CASR: variants seen among roughly 807,000 people sequenced by gnomAD.
CASR encodes extracellular calcium-sensing receptor.
CASR carries 23 observed loss-of-function variants against 69.1 expected under a neutral mutation model. The ratio of observed to expected loss-of-function variants is 0.33; its 90% CI spans 0.24 to 0.47. CASR has a LOEUF of 0.47. CASR is among the 20% of genes least tolerant of loss of function. CASR has a pLI of 1.00. For synonymous variants in CASR, 541 were observed against 544.7 expected (o/e 0.99, Z 0.10); for missense variants, 924 against 1,356.1 (o/e 0.68, Z 5.00).
chr3:122,212,439 T>G (rs931035548), intron 1 of CASR, among the ~76,000 whole-genome samples: 1 of 152,140 alleles, frequency 6.6e-6, no homozygotes, highest in Non-Finnish European at 1.5e-5. Flanking sequence ...TCAGGATAAA[T>G]AGCTAATGCA....
At chr3:122,261,024 G>A (rs751979509) in intron 3 of CASR, among the ~76,000 whole-genome samples, 85 of 152,286 alleles carry the variant, frequency 5.6e-4, no homozygotes, top group South Asian at 3.1e-3. Context: ...TATAATCCAT[G>A]GGGAACCCGA....
At chr3:122,213,156 C>T (rs13321795) in intron 1 of CASR, among the ~76,000 whole-genome samples, 3,232 of 152,270 alleles carry the variant, frequency 0.021, 118 homozygotes, top group African/African-American at 0.074. Context: ...CAGAGATGAT[C>T]ATTCAGCCTC....
At chr3:122,220,934 A>T (rs1323687507) in intron 1 of CASR, among the ~76,000 whole-genome samples, 2 of 152,190 alleles carry the variant, frequency 1.3e-5, no homozygotes, top group Non-Finnish European at 2.9e-5. Context: ...AGATCGCGCC[A>T]CTGCACTCCA....
Position 122,282,310 on chromosome 3 carries a change from A to G in CASR, c.1732+74A>G, listed in dbSNP as rs2074901949. On this transcript the variant is annotated intron_variant, in intron 6 of 6. Coordinates refer to ENST00000639785, the MANE Select transcript of CASR (RefSeq NM_000388.4). Reference sequence around the variant, plus strand: ...GGCCTGGGGTCAGTGAAGCCCATGGAAGGGCTGGGCTGAGATGGTGCTTTG... The same window carrying G: ...GGCCTGGGGTCAGTGAAGCCCATGGGAGGGCTGGGCTGAGATGGTGCTTTG... The G allele has an allele frequency of 2.1e-6, 3 of 1,461,572 alleles. No individual in the cohort carries two copies. The Admixed American group carries it at 5.0e-5, about 24-fold the overall frequency. The allele number at this position is 1,461,572 out of a possible 1,614,324, so 90.5% of individuals were successfully genotyped here.
chr3:122,272,606 A>T (rs2074773150), intron 4 of CASR, among the ~76,000 whole-genome samples: 1 of 152,160 alleles, frequency 6.6e-6, no homozygotes, highest in Non-Finnish European at 1.5e-5. Context: ...TTAGCAGTTA[A>T]CTATATTTTA....
At chr3:122,220,075 T>C (rs998783675) in intron 1 of CASR, among the ~76,000 whole-genome samples, 2 of 152,224 alleles carry the variant, frequency 1.3e-5, no homozygotes, top group African/African-American at 2.4e-5. Flanking sequence ...GTGTGGCAGC[T>C]GGAGTGTCAG....
intron 1 of CASR, among the ~76,000 whole-genome samples, chr3:122,235,632 C>T (rs1270656481): frequency 6.6e-6 from 1 of 152,024 alleles, no homozygotes; most frequent in African/African-American, 2.4e-5. Flanking sequence ...CCTGTCTCTA[C>T]AAAATTTTTT....
intron 3 of CASR, among the ~76,000 whole-genome samples, chr3:122,260,533 G>T (rs148646000): frequency 1.3e-5 from 2 of 152,314 alleles, no homozygotes; most frequent in African/African-American, 4.8e-5. Flanking sequence ...AAGGGCTCTG[G>T]AAGGTGCTTC....
At chr3:122,201,226 C>T (rs1309487715) in intron 1 of CASR, among the ~76,000 whole-genome samples, 2 of 152,150 alleles carry the variant, frequency 1.3e-5, no homozygotes, top group African/African-American at 2.4e-5. Context: ...TGCCTTCAAG[C>T]ATCTGTTTAA....
chr3:122,239,037 A>G (rs915593424), intron 1 of CASR, among the ~76,000 whole-genome samples: 1 of 152,118 alleles, frequency 6.6e-6, no homozygotes, highest in Non-Finnish European at 1.5e-5. Flanking sequence ...CTTCTGCTTG[A>G]GAAAAGTAAA....
rs1446060299 is a variant in CASR, at chr3:122,284,459, C to T, written c.2505C>T (p.Ala835=). The change falls in exon 7 of 7, where the codon GCC becomes GCT. Residue 835 remains alanine (A), a synonymous_variant. Coordinates refer to ENST00000639785, the MANE Select transcript of CASR (RefSeq NM_000388.4). ...GCACCTATGGCAAGTTTGTCTCTGC[C>T]GTAGAGGTGATTGCCATCCTGGCAG... is the stretch of plus-strand genomic sequence containing the variant. ...YASTYGKFVS[A]VEVIAILAAS... 3.1e-6 allele frequency: 5 copies of T among 1,613,548 alleles called. No individual in the cohort carries two copies. Among genetic ancestry groups the T allele is most frequent in the South Asian group, 1.1e-5 (1 of 91,090 alleles).
chr3:122,216,680 C>T (rs527434648), intron 1 of CASR, among the ~76,000 whole-genome samples: 14 of 152,134 alleles, frequency 9.2e-5, no homozygotes, highest in African/African-American at 3.1e-4. Flanking sequence ...TTAGTATAGC[C>T]GGGCACATAA....
intron 1 of CASR, among the ~76,000 whole-genome samples, chr3:122,252,344 G>GAAGAAAGA (rs756437138): frequency 4.1e-4 from 20 of 48,232 alleles, no homozygotes; most frequent in East Asian, 3.1e-3. Flanking sequence ...GAGAAAGAAA[G>GAAGAAAGA]AAGAAAGAAA....
intron 1 of CASR, among the ~76,000 whole-genome samples, chr3:122,250,340 C>T (rs1285037214): frequency 1.3e-5 from 2 of 152,162 alleles, no homozygotes; most frequent in African/African-American, 2.4e-5. Flanking sequence ...GACCCCAAAT[C>T]TCTCCTTCCT....
intron 1 of CASR, among the ~76,000 whole-genome samples, chr3:122,194,503 C>T (rs376603257): frequency 6.6e-5 from 10 of 152,146 alleles, no homozygotes; most frequent in African/African-American, 2.4e-4. Context: ...GCCACACCAA[C>T]AAGAAGGCAA....
At chr3:122,217,104 T>TA (rs921938986) in intron 1 of CASR, among the ~76,000 whole-genome samples, 16 of 124,056 alleles carry the variant, frequency 1.3e-4, no homozygotes, top group Middle Eastern at 4.1e-3. Context: ...GAAGGGAAAG[T>TA]AAAATTTTTT....
chr3:122,241,712 G>A (rs1576842949), intron 1 of CASR, among the ~76,000 whole-genome samples: 1 of 151,806 alleles, frequency 6.6e-6, no homozygotes, highest in African/African-American at 2.4e-5. Flanking sequence ...ACCAGACAAA[G>A]ACACACACAC....
chr3:122,233,031 A>G (rs1026405566), intron 1 of CASR, among the ~76,000 whole-genome samples: 1 of 152,196 alleles, frequency 6.6e-6, no homozygotes, highest in African/African-American at 2.4e-5. Flanking sequence ...ACATTTCCCT[A>G]TTCTGGCTCG....
At chr3:122,223,988 A>G (rs1199249077) in intron 1 of CASR, among the ~76,000 whole-genome samples, 1 of 152,244 alleles carries the variant, frequency 6.6e-6, no homozygotes, top group Admixed American at 6.5e-5. Context: ...AAAATTCAAC[A>G]GCCCTTCATA....
Sources: gnomAD v4.1 joint callset for allele counts (sites outside exome capture counted in the v4.1 genomes callset) on GRCh38, gnomAD v4.1.1 for gene constraint, MANE v1.5 for transcripts, NCBI Gene and HGNC (gene_info 2026-07-23, HGNC 2026-07-21) for gene names.